The following NEO1 variants were observed in gnomAD, a reference collection of about 807,000 sequenced individuals.
NEO1 encodes the protein neogenin 1.
NEO1 carries 63 observed loss-of-function variants against 159.7 expected under a neutral mutation model. That is an observed-to-expected ratio of 0.39 (90% CI 0.32 to 0.49). The LOEUF (loss-of-function observed/expected upper bound fraction) is 0.49, where lower values mean the gene tolerates loss of function less well. NEO1 is among the 20% of genes least tolerant of loss of function. NEO1 has a pLI of 0.85. For synonymous variants in NEO1, 633 were observed against 662.0 expected, an observed-to-expected ratio of 0.96 and a Z score of 0.67; for missense variants, 1,615 against 1,831.0, an observed-to-expected ratio of 0.88 and a Z score of 2.15.
intron 1 of NEO1, among the ~76,000 whole-genome samples, chr15:73,100,728 T>G (rs1220446141): frequency 6.6e-6 from 1 of 152,200 alleles, no homozygotes; most frequent in Non-Finnish European, 1.5e-5. Context: ...CTTTTCTACT[T>G]TATAAAATCA....
upstream of NEO1, among the ~76,000 whole-genome samples, chr15:73,052,169 G>A (rs898036991): frequency 6.7e-6 from 1 of 150,222 alleles, no homozygotes; most frequent in Non-Finnish European, 1.5e-5. Context: ...GGGGAGAAGG[G>A]GGAGGGGAGC....
intron 7 of NEO1, among the ~76,000 whole-genome samples, chr15:73,217,185 G>A: frequency 6.7e-6 from 1 of 149,584 alleles, no homozygotes; most frequent in Admixed American, 6.7e-5. Flanking sequence ...ATTAAATAGG[G>A]AATCCTTTCC....
In NEO1 at chr15:73,122,141, G is replaced by C. The variant is rs1269990925; in HGVS notation, c.449-384G>C. On this transcript the variant is annotated intron_variant, in intron 2 of 28. Coordinates refer to ENST00000261908, the MANE Select transcript of NEO1 (RefSeq NM_002499.4). ...TATGTATAGCAATGAATAAAGACTA[G>C]ACAAAATGTGTACATGTTTCACACA... Among the ~76,000 whole-genome samples, 10 of 136,234 alleles carry C rather than the reference G, an allele frequency of 7.3e-5. 1 individual carries two copies. Among genetic ancestry groups the C allele is most frequent in the African/African-American group, 2.8e-4 (10 of 36,326 alleles). The allele number at this position is 136,234 out of a possible 152,430, so 89.4% of individuals were successfully genotyped here.
chr15:73,280,895 G>A (rs960935310), intron 22 of NEO1, among the ~76,000 whole-genome samples: 3 of 152,010 alleles, frequency 2.0e-5, no homozygotes, highest in Non-Finnish European at 2.9e-5. Context: ...CCCACAATGA[G>A]TGTAAGTTTG....
At chr15:73,283,317 A>G (rs574052199) in intron 23 of NEO1, among the ~76,000 whole-genome samples, 2 of 152,252 alleles carry the variant, frequency 1.3e-5, no homozygotes, top group Non-Finnish European at 2.9e-5. Flanking sequence ...AAGGATTTCA[A>G]AAGAGGTAAT....
chr15:73,242,867 C>T lies in NEO1; in HGVS notation c.1452-1477C>T, dbSNP rs183935200. On this transcript the variant is annotated intron_variant, in intron 8 of 28. Coordinates refer to ENST00000261908, the MANE Select transcript of NEO1 (RefSeq NM_002499.4). Reference sequence around the variant, plus strand: ...ATGGAAGCAGGGCAGGAAAGGCAGGCGCACTCGGTGTAACTTCTGTTGAAA... The same window carrying T: ...ATGGAAGCAGGGCAGGAAAGGCAGGTGCACTCGGTGTAACTTCTGTTGAAA... Among the ~76,000 whole-genome samples, 21 of 152,218 alleles carry T rather than the reference C, an allele frequency of 1.4e-4. 1 individual carries two copies. The South Asian group carries it at 3.7e-3, about 27-fold the overall frequency.
At chr15:73,200,998 A>G (rs2036850498) in intron 7 of NEO1, among the ~76,000 whole-genome samples, 2 of 151,958 alleles carry the variant, frequency 1.3e-5, no homozygotes, top group Non-Finnish European at 2.9e-5. Flanking sequence ...TATCCTTTTA[A>G]TGCCCATGAA....
At chr15:73,098,144 C>T (rs2070187771) in intron 1 of NEO1, among the ~76,000 whole-genome samples, 1 of 151,946 alleles carries the variant, frequency 6.6e-6, no homozygotes, top group Admixed American at 6.6e-5. Context: ...ATAAAATGGT[C>T]ATTAAAACAG....
chr15:73,139,326 A>G (rs1347575634), intron 5 of NEO1, among the ~76,000 whole-genome samples: 1 of 152,204 alleles, frequency 6.6e-6, no homozygotes, highest in Non-Finnish European at 1.5e-5. Context: ...AAATAGATAA[A>G]TTGGATTGCA....
chr15:73,254,971 C>G (rs2040268979), intron 13 of NEO1, 142 bp downstream of exon 13: 3 of 788,196 alleles, frequency 3.8e-6, no homozygotes, highest in Non-Finnish European at 3.8e-6. Context: ...GTTCAATCCA[C>G]TTCTGACTTG....
At chr15:73,092,147 G>C (rs1008866724) in intron 1 of NEO1, among the ~76,000 whole-genome samples, 1 of 152,160 alleles carries the variant, frequency 6.6e-6, no homozygotes. Flanking sequence ...ATACAGAGAA[G>C]TCACATTTGT....
chr15:73,148,854 GT>G lies in NEO1; in HGVS notation c.1015+12840del, dbSNP rs558373137. Among the ~76,000 whole-genome samples, 314 of 141,136 alleles carry G rather than the reference GT, an allele frequency of 2.2e-3. 2 individuals are homozygous for G. Among genetic ancestry groups the G allele is most frequent in the Middle Eastern group, 3.8e-3 (1 of 264 alleles). The allele number at this position is 141,136 out of a possible 152,430, so 92.6% of individuals were successfully genotyped here. A position where few individuals can be genotyped will look rare whatever the true frequency, so the allele number is the denominator to read the frequency against. ...AATCATATCAGTGGTTTTCAAACTT[GT>G]TTTTTTTTTTTTGGCCAGGGAACTC... On this transcript the variant is annotated intron_variant, in intron 5 of 28. Coordinates refer to ENST00000261908, the MANE Select transcript of NEO1 (RefSeq NM_002499.4).
At chr15:73,183,011 A>T (rs2035703128) in intron 7 of NEO1, among the ~76,000 whole-genome samples, 1 of 152,212 alleles carries the variant, frequency 6.6e-6, no homozygotes. Flanking sequence ...AAGGCCTTTA[A>T]CTGCAAGGCC....
intron 19 of NEO1, among the ~76,000 whole-genome samples, chr15:73,272,806 G>T (rs1490539137): frequency 6.6e-6 from 1 of 152,046 alleles, no homozygotes; most frequent in African/African-American, 2.4e-5. Flanking sequence ...GCACTAGACA[G>T]CCTTTGGCTA....
At chr15:73,192,446 ATTG>A (rs1192691893) in intron 7 of NEO1, among the ~76,000 whole-genome samples, 6 of 152,124 alleles carry the variant, frequency 3.9e-5, no homozygotes, top group Non-Finnish European at 8.8e-5. Context: ...TTCTTGAAAC[ATTG>A]TAAATTTTTT....
chr15:73,247,730 G>A (rs1489054612), intron 9 of NEO1, among the ~76,000 whole-genome samples: 10 of 152,172 alleles, frequency 6.6e-5, no homozygotes, highest in Admixed American at 5.2e-4. Flanking sequence ...ACTAGTGCCA[G>A]AGAAATTGTT....
chr15:73,202,550 G>A (rs191896700), intron 7 of NEO1, among the ~76,000 whole-genome samples: 51 of 152,100 alleles, frequency 3.4e-4, no homozygotes, highest in African/African-American at 4.3e-4. Flanking sequence ...TGATTCTTTC[G>A]TTCTAGCTAT....
intron 26 of NEO1, among the ~76,000 whole-genome samples, chr15:73,297,239 G>A (rs2042409561): frequency 2.6e-5 from 4 of 152,154 alleles, no homozygotes; most frequent in African/African-American, 2.4e-5. Context: ...TGTGGAAGTC[G>A]GAAGGCAGGG....
intron 7 of NEO1, chr15:73,222,113 T>TTC (rs1176170588): frequency 7.3e-6 from 1 of 137,258 alleles, no homozygotes; most frequent in East Asian, 2.1e-4. Context: ...TTTTTTTTTT[T>TTC]TTTTTTTTTG....
Sources: allele counts gnomAD v4.1 joint callset (sites outside exome capture counted in the v4.1 genomes callset), GRCh38; gene constraint gnomAD v4.1.1; transcripts MANE v1.5; gene names NCBI Gene and HGNC (gene_info 2026-07-23, HGNC 2026-07-21).